The following ANP32A variants were observed in gnomAD, a reference collection of about 807,000 sequenced individuals.
The protein encoded by ANP32A is acidic nuclear phosphoprotein 32 family member A.
A neutral mutation model predicts 33.9 loss-of-function variants in ANP32A; 1 was observed. That is an observed-to-expected ratio of 0.03 (90% CI 0.01 to 0.14). The LOEUF is 0.14. Ranked by LOEUF, ANP32A falls within the 10% of genes least tolerant of loss-of-function variation. The pLI is 1.00. For missense variants in ANP32A, 155 were observed against 306.0 expected, an observed-to-expected ratio of 0.51 and a Z score of 3.68; for synonymous variants, 115 against 120.5, an observed-to-expected ratio of 0.95 and a Z score of 0.30.
intron 1 of ANP32A, among the ~76,000 whole-genome samples, chr15:68,803,798 CTTTTTT>C (rs3985625): frequency 3.0e-5 from 3 of 101,150 alleles, no homozygotes; most frequent in African/African-American, 7.5e-5. Flanking sequence ...ATTTCACAAA[CTTTTTT>C]TTTTTTTTTT....
intron 1 of ANP32A, among the ~76,000 whole-genome samples, chr15:68,795,480 G>GC (rs1894052550): frequency 6.6e-6 from 1 of 152,192 alleles, no homozygotes. Flanking sequence ...CGGCTCATAG[G>GC]CTAAGCCGCC....
chr15:68,799,563 G>A (rs919297499), intron 1 of ANP32A, among the ~76,000 whole-genome samples: 25 of 152,138 alleles, frequency 1.6e-4, no homozygotes, highest in African/African-American at 5.8e-4. Flanking sequence ...ATGTAAAAAG[G>A]AACTTAATGA....
At chr15:68,789,810 AG>A (rs1378252952) in intron 1 of ANP32A, 1 of 152,422 alleles carries the variant, frequency 6.6e-6, no homozygotes, top group African/African-American at 2.4e-5. Flanking sequence ...CCTGGAGCTA[AG>A]GAGCTCTCAG....
chr15:68,787,997 G>T lies in ANP32A; in HGVS notation c.55-78C>A, dbSNP rs79036098. On this transcript the variant is annotated intron_variant, in intron 1 of 6. Transcript: ENST00000465139. Reference sequence around the variant, plus strand: ...GGGGAGGGTGTTAGAGGACTCCTCAGAGAACAGGGAGACAGACGCAGGAAG... The same window carrying T: ...GGGGAGGGTGTTAGAGGACTCCTCATAGAACAGGGAGACAGACGCAGGAAG... 2.5e-4 allele frequency: 388 copies of T among 1,544,906 alleles called. 2 individuals are homozygous for T. In the African/African-American group the frequency reaches 4.4e-3, roughly 17 times the overall value.
chr15:68,778,925 T>G lies in ANP32A; in HGVS notation c.*1156A>C, dbSNP rs1893827862. ...AAAAAAATTGTATAAAAAGATTTAT[T>G]GAAATTTATCAATGACAAACAGACA... On this transcript the variant is annotated 3_prime_UTR_variant, in exon 7 of 7. Transcript: ENST00000465139. The G allele has an allele frequency of 6.6e-6, 1 of 152,194 alleles. No homozygotes were observed. The highest frequency in any genetic ancestry group is 6.5e-5 in the Admixed American group (1 of 15,270). 9.4% of individuals were successfully genotyped at this position (152,194 alleles called of 1,614,324 possible). A position where few individuals can be genotyped will look rare whatever the true frequency, so the allele number is the denominator to read the frequency against.
At position 68,810,609 on chromosome 15, in the gene ANP32A, G is replaced by A. The variant is rs192529121; in HGVS notation, c.54+10089C>T. 7.6e-4 allele frequency among the ~76,000 whole-genome samples: 116 copies of A among 152,256 alleles called. 1 individual carries two copies. In the South Asian group the frequency reaches 0.015, roughly 20 times the overall value. ...AGTGAGGAAGGACAAATTTCCAACT[G>A]GAGAGAATACAGGATAAGAATGCCC... On this transcript the variant is annotated intron_variant, in intron 1 of 6. Coordinates refer to ENST00000465139, the MANE Select transcript of ANP32A (RefSeq NM_006305.4).
intron 1 of ANP32A, among the ~76,000 whole-genome samples, chr15:68,803,385 T>C (rs1216068778): frequency 6.6e-6 from 1 of 152,252 alleles, no homozygotes; most frequent in African/African-American, 2.4e-5. Flanking sequence ...AGGCACTGCA[T>C]TGCCATGCCT....
Position 68,813,892 on chromosome 15 carries a change from C to T in ANP32A, c.54+6806G>A, listed in dbSNP as rs541462715. ...AGTTTTTTTTTTTTTTTTTTTGAGA[C>T]GGAGTCTCGCTTTGTCCCCCAGGCC... On this transcript the variant is annotated intron_variant, in intron 1 of 6. Coordinates refer to ENST00000465139, the MANE Select transcript of ANP32A (RefSeq NM_006305.4). 7.1e-3 allele frequency among the ~76,000 whole-genome samples: 387 copies of T among 54,180 alleles called. 10 individuals carry two copies. The highest frequency in any genetic ancestry group is 0.021 in the African/African-American group (376 of 17,732). 35.5% of individuals were successfully genotyped at this position (54,180 alleles called of 152,430 possible).
rs148099355 is a variant in ANP32A, at chr15:68,793,403, TC to T, written c.55-5485del. 6.8e-3 allele frequency among the ~76,000 whole-genome samples: 1,039 copies of T among 152,040 alleles called. 31 individuals carry two copies. The East Asian group carries it at 0.083, about 12-fold the overall frequency. On this transcript the variant is annotated intron_variant, in intron 1 of 6. Coordinates refer to ENST00000465139, the MANE Select transcript of ANP32A (RefSeq NM_006305.4). ...TGAGAGGCAGGTCAGCTGTGCACAC[TC>T]CCCCTGACCTGAATGACCCAGTGCT... is the stretch of plus-strand genomic sequence containing the variant.
In ANP32A at chr15:68,780,495, A is replaced by G; in HGVS notation, c.625-22T>C. The G allele has an allele frequency of 6.2e-7, 1 of 1,613,858 alleles. No homozygotes were observed. The highest frequency in any genetic ancestry group is 2.2e-5 in the East Asian group (1 of 44,872). Reference sequence around the variant, plus strand: ...CCTCCTAGGAGAAAGGACAGACACCAGAACATTAGAAATGCCCTGCCTTGG... The same window carrying G: ...CCTCCTAGGAGAAAGGACAGACACCGGAACATTAGAAATGCCCTGCCTTGG... On this transcript the variant is annotated intron_variant, in intron 5 of 6. Coordinates refer to ENST00000465139, the MANE Select transcript of ANP32A (RefSeq NM_006305.4). The surrounding 1 kb of genome is among the most constrained non-coding windows in gnomAD (Gnocchi z 4.3).
intron 1 of ANP32A, among the ~76,000 whole-genome samples, chr15:68,788,354 C>T (rs1437176467): frequency 7.1e-6 from 1 of 140,356 alleles, no homozygotes; most frequent in African/African-American, 2.7e-5. Flanking sequence ...CCCCACAAGA[C>T]CCCCACATGC....
intron 1 of ANP32A, among the ~76,000 whole-genome samples, chr15:68,815,494 A>G (rs926168071): frequency 1.3e-5 from 2 of 152,192 alleles, no homozygotes; most frequent in African/African-American, 4.8e-5. Flanking sequence ...TTGGGATTCA[A>G]AGAGTGTTCC....
intron 1 of ANP32A, among the ~76,000 whole-genome samples, chr15:68,805,366 C>T (rs551122308): frequency 2.6e-5 from 4 of 152,306 alleles, no homozygotes; most frequent in East Asian, 1.9e-4. Context: ...GCTGATCAAC[C>T]GTCACAAATG....
chr15:68,780,673 G>T lies in ANP32A; in HGVS notation c.625-200C>A. The T allele has an allele frequency of 1.2e-6, 1 of 810,818 alleles. No homozygotes were observed. The highest frequency in any genetic ancestry group is 2.9e-5 in the East Asian group (1 of 34,080). 50.2% of individuals were successfully genotyped at this position (810,818 alleles called of 1,614,324 possible). A position where few individuals can be genotyped will look rare whatever the true frequency, so the allele number is the denominator to read the frequency against. Reference sequence around the variant, plus strand: ...GGACTCATTGGGAAATCTGCAGAAAGCTTTGAACTCCTTCTCCAGAAAATG... The same window carrying T: ...GGACTCATTGGGAAATCTGCAGAAATCTTTGAACTCCTTCTCCAGAAAATG... On this transcript the variant is annotated intron_variant, in intron 5 of 6. Transcript: ENST00000465139. The surrounding 1 kb of genome is among the most constrained non-coding windows in gnomAD (Gnocchi z 4.3).
chr15:68,820,601 C>A, intron 1 of ANP32A, 97 bp downstream of exon 1: 1 of 274,122 alleles, frequency 3.6e-6, no homozygotes, highest in South Asian at 2.5e-5. Context: ...CCCGGGCGCC[C>A]CCCCCCAAAA....
chr15:68,790,131 G>GT (rs1414278805), intron 1 of ANP32A: 1 of 152,294 alleles, frequency 6.6e-6, no homozygotes, highest in East Asian at 1.9e-4. Context: ...GTCTTCTTTA[G>GT]TAATTGGTTT....
At chr15:68,788,870 T>C (rs1893965890) in intron 1 of ANP32A, among the ~76,000 whole-genome samples, 1 of 152,196 alleles carries the variant, frequency 6.6e-6, no homozygotes, top group South Asian at 2.1e-4. Context: ...TCCTAAATCC[T>C]TTATTTCTAA....
chr15:68,804,251 G>A (rs1369318026), intron 1 of ANP32A, among the ~76,000 whole-genome samples: 1 of 152,186 alleles, frequency 6.6e-6, no homozygotes, highest in African/African-American at 2.4e-5. Flanking sequence ...AAGTTGCCGG[G>A]AGAAGGTTGG....
chr15:68,820,445 G>A (rs1014172563), intron 1 of ANP32A, among the ~76,000 whole-genome samples: 3 of 151,920 alleles, frequency 2.0e-5, no homozygotes, highest in African/African-American at 4.8e-5. Context: ...GCACACTCTC[G>A]CACCCACACT....
Sources: allele counts gnomAD v4.1 joint callset (sites outside exome capture counted in the v4.1 genomes callset), GRCh38; gene constraint gnomAD v4.1.1; non-coding constraint Gnocchi (gnomAD v3.1); transcripts MANE v1.5; gene names NCBI Gene and HGNC (gene_info 2026-07-23, HGNC 2026-07-21).